XPR1: variants seen among roughly 807,000 people sequenced by gnomAD.
The protein encoded by XPR1 is solute carrier family 53 member 1.
In XPR1, 28 loss-of-function variants were observed where a neutral mutation model predicts 87.5. The ratio of observed to expected loss-of-function variants is 0.32; its 90% confidence interval spans 0.24 to 0.44. The LOEUF is 0.44. XPR1 is among the 20% of genes least tolerant of loss of function. The pLI, the probability that XPR1 is intolerant of heterozygous loss-of-function variation, is 1.00. For synonymous variants in XPR1, 300 were observed against 306.1 expected (o/e 0.98, Z 0.21); for missense variants, 559 against 862.3 (o/e 0.65, Z 4.41).
chr1:180,666,964 G>A (rs1655983263), intron 1 of XPR1, among the ~76,000 whole-genome samples: 1 of 151,602 alleles, frequency 6.6e-6, no homozygotes, highest in Non-Finnish European at 1.5e-5. Context: ...CACCCAGGCT[G>A]GAGTGCAGTG....
chr1:180,863,945 C>A (rs1652300173), intron 12 of XPR1, 71 bp downstream of exon 12: 2 of 1,233,126 alleles, frequency 1.6e-6, no homozygotes, highest in Non-Finnish European at 2.1e-6. Context: ...TGTTGCAGTA[C>A]AGACCCAACC....
At chr1:180,733,529 G>A (rs568381973) in intron 2 of XPR1, among the ~76,000 whole-genome samples, 252 of 152,328 alleles carry the variant, frequency 1.7e-3, no homozygotes, top group African/African-American at 5.8e-3. Context: ...TTTTAACTGA[G>A]AAAGGGGATA....
At chr1:180,860,526 GAAAT>G (rs1160583182) in intron 11 of XPR1, among the ~76,000 whole-genome samples, 2 of 152,022 alleles carry the variant, frequency 1.3e-5, no homozygotes, top group African/African-American at 2.4e-5. Flanking sequence ...GCAAGAAAAA[GAAAT>G]AAGCCACTGA....
At position 180,760,962 on chromosome 1, in the gene XPR1, C is replaced by T. The variant is rs1327110805; in HGVS notation, c.122-26791C>T. Among the ~76,000 whole-genome samples, 9 of 152,208 alleles carry T rather than the reference C, an allele frequency of 5.9e-5. No homozygotes were observed. In the East Asian group the frequency reaches 1.4e-3, roughly 23 times the overall value. On this transcript the variant is annotated intron_variant, in intron 2 of 14. Transcript: ENST00000367590. ...AACAGAGCCCTCAGAAATAATGCCG[C>T]ATATCTACAACCATCTGATCTTTGA...
chr1:180,889,168 T>G lies in XPR1; in HGVS notation c.*5102T>G, dbSNP rs542791592. ...TCATTATACAACTTTGCAACTGAAG[T>G]ATGTTTCCTTGTAGCAAACCTTTGG... On this transcript the variant is annotated 3_prime_UTR_variant, in exon 15 of 15. Coordinates refer to ENST00000367590, the MANE Select transcript of XPR1 (RefSeq NM_004736.4). 6.6e-6 allele frequency: 1 copy of G among 152,332 alleles called. No homozygotes were observed. Among genetic ancestry groups the G allele is most frequent in the East Asian group, 1.9e-4 (1 of 5,190 alleles). 9.4% of individuals were successfully genotyped at this position (152,332 alleles called of 1,614,324 possible).
intron 7 of XPR1, among the ~76,000 whole-genome samples, chr1:180,821,633 G>C (rs1650627803): frequency 6.6e-6 from 1 of 152,152 alleles, no homozygotes; most frequent in South Asian, 2.1e-4. Flanking sequence ...AGATTGCTTT[G>C]GGTAGTATTG....
chr1:180,729,880 C>T (rs1658493331), intron 2 of XPR1, among the ~76,000 whole-genome samples: 1 of 152,150 alleles, frequency 6.6e-6, no homozygotes, highest in Admixed American at 6.5e-5. Context: ...TTCTGCTGTG[C>T]AGAAGCTCTT....
At chr1:180,640,491 G>T (rs1395010060) in intron 1 of XPR1, among the ~76,000 whole-genome samples, 1 of 152,232 alleles carries the variant, frequency 6.6e-6, no homozygotes, top group Non-Finnish European at 1.5e-5. Flanking sequence ...ATGGCGTACT[G>T]TTTTATGAAA....
intron 2 of XPR1, among the ~76,000 whole-genome samples, chr1:180,732,682 C>T (rs6659019): frequency 0.071 from 10,757 of 152,192 alleles, 1,237 homozygotes; most frequent in African/African-American, 0.24. Flanking sequence ...GGGTAAATGT[C>T]GACAGGTGAA....
chr1:180,636,305 A>G (rs1654754289), intron 1 of XPR1, among the ~76,000 whole-genome samples: 1 of 152,232 alleles, frequency 6.6e-6, no homozygotes, highest in African/African-American at 2.4e-5. Flanking sequence ...CACAAACCAC[A>G]CTTTTTCTTT....
intron 6 of XPR1, among the ~76,000 whole-genome samples, chr1:180,810,815 A>G (rs1285025744): frequency 4.0e-5 from 6 of 151,548 alleles, no homozygotes; most frequent in African/African-American, 1.5e-4. Context: ...ATGTGTATAT[A>G]TATGTATATA....
intron 1 of XPR1, among the ~76,000 whole-genome samples, chr1:180,642,255 A>T (rs974649441): frequency 3.3e-5 from 5 of 152,166 alleles, no homozygotes; most frequent in Non-Finnish European, 7.4e-5. Context: ...GTTCCTCTGT[A>T]ACATTTTAAT....
At chr1:180,745,488 A>G (rs1394942916) in intron 2 of XPR1, among the ~76,000 whole-genome samples, 1 of 152,142 alleles carries the variant, frequency 6.6e-6, no homozygotes, top group African/African-American at 2.4e-5. Context: ...TCTCTTCCTC[A>G]GTGTTTTAGG....
intron 14 of XPR1, among the ~76,000 whole-genome samples, chr1:180,880,683 C>T (rs1486494323): frequency 6.6e-6 from 1 of 152,040 alleles, no homozygotes. Flanking sequence ...GTTTTCTGCC[C>T]CCATCTGTAA....
intron 1 of XPR1, among the ~76,000 whole-genome samples, chr1:180,673,380 A>G (rs566445122): frequency 1.3e-4 from 20 of 152,354 alleles, no homozygotes; most frequent in Admixed American, 7.2e-4. Flanking sequence ...GGATCTGCAT[A>G]TATTTTCTTT....
chr1:180,751,061 T>C (rs898522803), intron 2 of XPR1, among the ~76,000 whole-genome samples: 3 of 152,054 alleles, frequency 2.0e-5, no homozygotes, highest in African/African-American at 7.2e-5. Flanking sequence ...TGCAGTCATT[T>C]ATTGCTAGTT....
At position 180,873,838 on chromosome 1, in the gene XPR1, T is replaced by C. The variant is rs757120635; in HGVS notation, c.1704T>C (p.Ile568=). Residue 568 remains isoleucine, a synonymous_variant, in exon 13 of 15, where the codon ATT becomes ATC. Coordinates refer to ENST00000367590, the MANE Select transcript of XPR1 (RefSeq NM_004736.4). The part of the protein sequence containing the change: ...YYYCAIIEDV[I]LRFAWTIQIS... ...ACTGTGCCATAATAGAGGATGTGAT[T>C]CTGCGCTTTGCTTGGACTATCCAAA... 1 of 1,614,216 alleles carries C rather than the reference T, an allele frequency of 6.2e-7. No individual in the cohort carries two copies. Among genetic ancestry groups the C allele is most frequent in the Admixed American group, 1.7e-5 (1 of 60,030 alleles).
In XPR1 at chr1:180,803,683, A is replaced by G. The variant is rs1478634113; in HGVS notation, c.447+72A>G. On this transcript the variant is annotated intron_variant, in intron 4 of 14. Coordinates refer to ENST00000367590, the MANE Select transcript of XPR1 (RefSeq NM_004736.4). Reference sequence around the variant, plus strand: ...AAATTTCAATAAATGGAAGTACCCTAAAGTATTACCAGTGGGTCAGTTCCA... The same window carrying G: ...AAATTTCAATAAATGGAAGTACCCTGAAGTATTACCAGTGGGTCAGTTCCA... 1.7e-5 allele frequency: 23 copies of G among 1,336,960 alleles called. No homozygotes were observed. In the East Asian group the frequency reaches 3.0e-4, roughly 17 times the overall value. 82.8% of individuals were successfully genotyped at this position (1,336,960 alleles called of 1,614,324 possible). A position where few individuals can be genotyped will look rare whatever the true frequency, so the allele number is the denominator to read the frequency against.
intron 2 of XPR1, among the ~76,000 whole-genome samples, chr1:180,714,387 C>G (rs1486779362): frequency 1.4e-5 from 2 of 147,260 alleles, no homozygotes; most frequent in African/African-American, 5.2e-5. Context: ...CTCTCTCTCT[C>G]TCTCTCTCTC....
Sources: gnomAD v4.1 joint callset for allele counts (sites outside exome capture counted in the v4.1 genomes callset) on GRCh38, gnomAD v4.1.1 for gene constraint, MANE v1.5 for transcripts, NCBI Gene and HGNC (gene_info 2026-07-23, HGNC 2026-07-21) for gene names.